Variants in ANKRD6 observed in about 807,000 individuals in gnomAD.
ANKRD6 encodes ankyrin repeat domain-containing protein 6.
In ANKRD6, 56 loss-of-function variants were observed where a neutral mutation model predicts 82.3. That is an observed-to-expected ratio of 0.68 (90% confidence interval 0.55 to 0.85). The LOEUF (loss-of-function observed/expected upper bound fraction) is 0.85, where lower values mean the gene tolerates loss of function less well. ANKRD6 is among the 40% of genes least tolerant of loss of function. The pLI is 0.00. For synonymous variants in ANKRD6, 347 were observed against 352.1 expected (o/e 0.99, Z 0.16); for missense variants, 852 against 907.6 (o/e 0.94, Z 0.79).
At chr6:89,587,357 C>T (rs554637341) in intron 2 of ANKRD6, among the ~76,000 whole-genome samples, 77 of 150,364 alleles carry the variant, frequency 5.1e-4, no homozygotes, top group African/African-American at 1.8e-3. Flanking sequence ...GGAGTGGTGG[C>T]GCATGCCTGT....
At chr6:89,573,382 C>T (rs150484855) in intron 2 of ANKRD6, among the ~76,000 whole-genome samples, 134 of 152,114 alleles carry the variant, frequency 8.8e-4, no homozygotes, top group African/African-American at 3.0e-3. Flanking sequence ...TCTGTAAAAC[C>T]GTTCTTAGTG....
chr6:89,609,168 CT>C (rs1323131591), intron 5 of ANKRD6, among the ~76,000 whole-genome samples: 1 of 152,220 alleles, frequency 6.6e-6, no homozygotes, highest in Non-Finnish European at 1.5e-5. Context: ...GGATCAAAAG[CT>C]TGAGGTCTGA....
At chr6:89,457,973 TAA>T (rs1773687808) in intron 1 of ANKRD6, among the ~76,000 whole-genome samples, 1 of 152,192 alleles carries the variant, frequency 6.6e-6, no homozygotes. Flanking sequence ...TACGTCCTTA[TAA>T]AAGAGACCTC....
intron 1 of ANKRD6, among the ~76,000 whole-genome samples, chr6:89,438,431 C>G (rs141276888): frequency 2.1e-3 from 325 of 152,294 alleles, no homozygotes; most frequent in Admixed American, 6.1e-3. Context: ...ATCACTTCTG[C>G]TTACATTCTA....
intron 1 of ANKRD6, among the ~76,000 whole-genome samples, chr6:89,549,050 T>C (rs931444096): frequency 6.6e-6 from 1 of 151,962 alleles, no homozygotes; most frequent in Non-Finnish European, 1.5e-5. Flanking sequence ...CAACAAAAAA[T>C]ACAAAAATTA....
At chr6:89,549,676 T>TA (rs1028192215) in intron 1 of ANKRD6, among the ~76,000 whole-genome samples, 1 of 152,192 alleles carries the variant, frequency 6.6e-6, no homozygotes, top group African/African-American at 2.4e-5. Context: ...TTCTTTTTTT[T>TA]ATGTGACTTT....
chr6:89,549,364 A>C (rs932417663), intron 1 of ANKRD6, among the ~76,000 whole-genome samples: 2 of 152,040 alleles, frequency 1.3e-5, no homozygotes, highest in Non-Finnish European at 2.9e-5. Flanking sequence ...TAAAAGAGCA[A>C]GTTTGCCTCC....
At chr6:89,618,607 G>T (rs1041505515) in intron 9 of ANKRD6, among the ~76,000 whole-genome samples, 4 of 152,136 alleles carry the variant, frequency 2.6e-5, no homozygotes, top group African/African-American at 9.7e-5. Flanking sequence ...TAACAATAAA[G>T]AAATGTCATA....
At chr6:89,596,573 C>T (rs989107020) in intron 3 of ANKRD6, among the ~76,000 whole-genome samples, 1 of 152,206 alleles carries the variant, frequency 6.6e-6, no homozygotes, top group Non-Finnish European at 1.5e-5. Context: ...AGAGTTTACT[C>T]TGCCACCATG....
At chr6:89,592,034 G>A (rs1795014968) in intron 2 of ANKRD6, among the ~76,000 whole-genome samples, 1 of 152,206 alleles carries the variant, frequency 6.6e-6, no homozygotes, top group African/African-American at 2.4e-5. Context: ...TTGGAGAATG[G>A]TGTTCTTGGT....
intron 13 of ANKRD6, among the ~76,000 whole-genome samples, chr6:89,627,113 T>C (rs1034581991): frequency 7.5e-5 from 11 of 146,822 alleles, no homozygotes; most frequent in African/African-American, 1.7e-4. Flanking sequence ...CTCTCTCTCT[T>C]TTTTTTTTTT....
chr6:89,471,073 T>C (rs948273171), intron 1 of ANKRD6, among the ~76,000 whole-genome samples: 5 of 152,132 alleles, frequency 3.3e-5, no homozygotes, highest in African/African-American at 1.2e-4. Context: ...TTATGTGTTT[T>C]CCTTCAATTA....
In ANKRD6 at chr6:89,628,566, G is replaced by A. The variant is rs199698188; in HGVS notation, c.1486-546G>A. The stretch of plus-strand genomic sequence containing the variant: ...GGGCGGATCACGAGGTCAGGAGATC[G>A]AGACCATCCTTGCTAACATGGTGAA... On this transcript the variant is annotated intron_variant, in intron 14 of 15. Coordinates refer to ENST00000339746, the MANE Select transcript of ANKRD6 (RefSeq NM_001242809.2). 5.9e-5 allele frequency among the ~76,000 whole-genome samples: 9 copies of A among 152,254 alleles called. No individual in the cohort carries two copies. In the East Asian group the frequency reaches 1.5e-3, roughly 26 times the overall value.
At chr6:89,611,171 A>G (rs1218214280) in intron 5 of ANKRD6, among the ~76,000 whole-genome samples, 1 of 147,442 alleles carries the variant, frequency 6.8e-6, no homozygotes, top group Non-Finnish European at 1.5e-5. Context: ...GTATTCCTCT[A>G]TTTTTTTTTT....
At chr6:89,550,801 C>G (rs976141558) in intron 1 of ANKRD6, among the ~76,000 whole-genome samples, 3 of 151,864 alleles carry the variant, frequency 2.0e-5, no homozygotes, top group Admixed American at 6.6e-5. Context: ...ACTAAAAATT[C>G]AAAAATTAGC....
In ANKRD6 at chr6:89,623,863, C is replaced by G. The variant is rs748051656; in HGVS notation, c.1033-9C>G. On this transcript the variant is annotated splice_polypyrimidine_tract_variant and intron_variant, in intron 11 of 15. Coordinates refer to ENST00000339746, the MANE Select transcript of ANKRD6 (RefSeq NM_001242809.2). ...GCGTTCAGGGGTGTTGTCTCTTCCT[C>G]TCTTACAGGTGTCAGCATTTTCTGA... The G allele has an allele frequency of 6.2e-7, 1 of 1,610,134 alleles. No individual in the cohort carries two copies. Among genetic ancestry groups the G allele is most frequent in the Non-Finnish European group, 8.5e-7 (1 of 1,178,110 alleles).
At chr6:89,511,578 T>C (rs1324303690) in intron 1 of ANKRD6, among the ~76,000 whole-genome samples, 1 of 152,224 alleles carries the variant, frequency 6.6e-6, no homozygotes, top group South Asian at 2.1e-4. Flanking sequence ...TTTTGAGCCT[T>C]TGTTTCTAAT....
intron 1 of ANKRD6, among the ~76,000 whole-genome samples, chr6:89,452,722 A>T (rs1163726283): frequency 3.3e-5 from 5 of 152,130 alleles, no homozygotes; most frequent in Non-Finnish European, 7.4e-5. Context: ...CCCGCACCCA[A>T]ACCTGGCTGA....
chr6:89,452,770 T>A (rs1773009887), intron 1 of ANKRD6, among the ~76,000 whole-genome samples: 1 of 152,188 alleles, frequency 6.6e-6, no homozygotes, highest in Admixed American at 6.5e-5. Flanking sequence ...AGATGCCCTT[T>A]ACGAGAAGTC....
Sources: gnomAD v4.1 joint callset for allele counts (sites outside exome capture counted in the v4.1 genomes callset) on GRCh38, gnomAD v4.1.1 for gene constraint, MANE v1.5 for transcripts, NCBI Gene and HGNC (gene_info 2026-07-23, HGNC 2026-07-21) for gene names.